Variants in ASIC2 observed in about 807,000 individuals in gnomAD.
The protein encoded by ASIC2 is acid-sensing ion channel 2.
ASIC2 carries 25 observed loss-of-function variants against 57.3 expected under a neutral mutation model. The observed-to-expected ratio is 0.44, with a 90% CI of 0.32 to 0.61. ASIC2 has a LOEUF of 0.61. Among genes scored for constraint, ASIC2 ranks in the 20% least tolerant of loss-of-function variants. ASIC2 has a pLI of 0.06. For missense variants in ASIC2, 641 were observed against 738.1 expected (o/e 0.87, Z 1.52); for synonymous variants, 319 against 307.5 (o/e 1.04, Z -0.39).
chr17:33,914,572 C>T lies in ASIC2; in HGVS notation c.555+241406G>A, dbSNP rs192366756. ...TAGGTGGTGTCTTCTGATGGGGAAG[C>T]CAAACAAGCGACCAAGAATGAAGGC... On this transcript the variant is annotated intron_variant, in intron 1 of 9. Coordinates refer to the ASIC2 transcript ENST00000359872. 1.0e-3 allele frequency among the ~76,000 whole-genome samples: 153 copies of T among 152,226 alleles called. 2 individuals are homozygous for T. Among genetic ancestry groups the T allele is most frequent in the African/African-American group, 3.6e-3 (149 of 41,516 alleles).
At chr17:33,825,519 G>A (rs9909501) in intron 1 of ASIC2, among the ~76,000 whole-genome samples, 124,562 of 152,178 alleles carry the variant, frequency 0.82, 51,383 homozygotes, top group African/African-American at 0.88. Context: ...AGCTTCATGC[G>A]CATTCCACAG....
At position 33,661,921 on chromosome 17, in the gene ASIC2, C is replaced by T. The variant is rs116327559; in HGVS notation, c.555+494057G>A. ...ATCCGCTGTAACCCACAGGTCCCTGCCTGGTTAGACTTTACTTCGCTCTGT... is the reference window on the plus strand; with the variant it reads ...ATCCGCTGTAACCCACAGGTCCCTGTCTGGTTAGACTTTACTTCGCTCTGT... On this transcript the variant is annotated intron_variant, in intron 1 of 9. Transcript: ENST00000359872. Among the ~76,000 whole-genome samples the T allele has an allele frequency of 1.8e-3, 278 of 152,266 alleles. 1 individual carries two copies. The highest frequency in any genetic ancestry group is 6.5e-3 in the African/African-American group (268 of 41,544).
At chr17:33,061,453 C>A (rs193261145) in intron 3 of ASIC2, among the ~76,000 whole-genome samples, 26 of 152,196 alleles carry the variant, frequency 1.7e-4, no homozygotes, top group African/African-American at 6.3e-4. Flanking sequence ...TGTTTATATG[C>A]TGGATTACGT....
In ASIC2 at chr17:33,263,849, G is replaced by A. The variant is rs558889739; in HGVS notation, c.708+27559C>T. Among the ~76,000 whole-genome samples, 16 of 152,346 alleles carry A rather than the reference G, an allele frequency of 1.1e-4. No individual in the cohort carries two copies. In the East Asian group the frequency reaches 1.9e-3, roughly 18 times the overall value. ...GTTCCTCTCCATGCTCCCCTTCTGC[G>A]CGGGACAGAGGGTGGAGCCTCGTGA... On this transcript the variant is annotated intron_variant, in intron 1 of 9. Coordinates refer to ENST00000225823, the MANE Select transcript of ASIC2 (RefSeq NM_183377.2).
intron 1 of ASIC2, among the ~76,000 whole-genome samples, chr17:33,151,217 A>G (rs1387245946): frequency 6.6e-6 from 1 of 151,202 alleles, no homozygotes; most frequent in African/African-American, 2.4e-5. Context: ...ACACACACAC[A>G]CACACAATTA....
chr17:34,009,628 T>C (rs2142020274), intron 1 of ASIC2, among the ~76,000 whole-genome samples: 1 of 152,320 alleles, frequency 6.6e-6, no homozygotes, highest in East Asian at 1.9e-4. Flanking sequence ...TATATTTCTA[T>C]TAGACAGCTC....
At chr17:33,506,558 A>G (rs2141945792) in intron 1 of ASIC2, among the ~76,000 whole-genome samples, 1 of 152,322 alleles carries the variant, frequency 6.6e-6, no homozygotes, top group South Asian at 2.1e-4. Context: ...TCCCTTGATT[A>G]GCACTAATTA....
At chr17:33,552,261 G>A (rs768730589) in intron 1 of ASIC2, among the ~76,000 whole-genome samples, 3 of 152,204 alleles carry the variant, frequency 2.0e-5, no homozygotes, top group African/African-American at 4.8e-5. Context: ...ATTACAGAGC[G>A]TCAGGAAGAT....
intron 1 of ASIC2, among the ~76,000 whole-genome samples, chr17:33,464,544 T>TTC (rs1912783489): frequency 9.2e-6 from 1 of 108,240 alleles, no homozygotes; most frequent in East Asian, 3.1e-4. Flanking sequence ...TTCTTTCTCT[T>TTC]TCTTTCTTTC....
chr17:33,318,071 T>A (rs1453724800), intron 1 of ASIC2, among the ~76,000 whole-genome samples: 1 of 152,116 alleles, frequency 6.6e-6, no homozygotes, highest in Non-Finnish European at 1.5e-5. Context: ...CTGACATTCA[T>A]TACAGAGATT....
At chr17:33,204,007 G>C (rs1011127848) in intron 1 of ASIC2, among the ~76,000 whole-genome samples, 2 of 152,242 alleles carry the variant, frequency 1.3e-5, no homozygotes, top group Non-Finnish European at 2.9e-5. Flanking sequence ...GAATCAAGCT[G>C]CTATTTGGTT....
At chr17:33,618,687 G>A (rs1010163637) in intron 1 of ASIC2, among the ~76,000 whole-genome samples, 8 of 152,132 alleles carry the variant, frequency 5.3e-5, no homozygotes, top group Admixed American at 5.2e-4. Context: ...CTGTAATTAA[G>A]TCCAAACTCC....
intron 1 of ASIC2, among the ~76,000 whole-genome samples, chr17:33,231,795 C>A (rs1908100851): frequency 6.6e-6 from 1 of 152,140 alleles, no homozygotes; most frequent in African/African-American, 2.4e-5. Flanking sequence ...CATTTCTCAA[C>A]AATGGGGTCT....
intron 1 of ASIC2, among the ~76,000 whole-genome samples, chr17:33,708,716 C>T (rs1187035810): frequency 6.6e-6 from 1 of 152,174 alleles, no homozygotes; most frequent in Non-Finnish European, 1.5e-5. Context: ...AACGTCACCA[C>T]TCTGCACCAA....
intron 1 of ASIC2, among the ~76,000 whole-genome samples, chr17:33,399,991 C>T (rs1051880401): frequency 6.6e-6 from 1 of 152,076 alleles, no homozygotes; most frequent in African/African-American, 2.4e-5. Context: ...ACAAAATAAG[C>T]AGACCTGGGT....
At chr17:33,527,664 C>T (rs1490509767) in intron 1 of ASIC2, among the ~76,000 whole-genome samples, 1 of 152,282 alleles carries the variant, frequency 6.6e-6, no homozygotes, top group East Asian at 1.9e-4. Flanking sequence ...AACCCCCTGA[C>T]ACATGCATGG....
At chr17:33,951,105 C>A (rs1416598697) in intron 1 of ASIC2, among the ~76,000 whole-genome samples, 3 of 152,020 alleles carry the variant, frequency 2.0e-5, no homozygotes, top group African/African-American at 4.8e-5. Flanking sequence ...CCATTGTAAA[C>A]AAGAATAGTA....
intron 1 of ASIC2, among the ~76,000 whole-genome samples, chr17:33,146,653 G>C (rs553902923): frequency 6.6e-6 from 1 of 152,308 alleles, no homozygotes; most frequent in South Asian, 2.1e-4. Context: ...TCTGTGCCCA[G>C]CTCATGCCTC....
At chr17:34,005,201 C>CT (rs11446226) in intron 1 of ASIC2, 27,626 of 151,780 alleles carry the variant, frequency 0.18, 5,049 homozygotes, top group African/African-American at 0.46. Flanking sequence ...TCAACTCTCC[C>CT]TTTTTACTCC....
Sources: gnomAD v4.1 joint callset for allele counts (sites outside exome capture counted in the v4.1 genomes callset) on GRCh38, gnomAD v4.1.1 for gene constraint, MANE v1.5 for transcripts, NCBI Gene and HGNC (gene_info 2026-07-23, HGNC 2026-07-21) for gene names.